The following ERC2 variants were observed in gnomAD, a reference collection of about 807,000 sequenced individuals.
The protein encoded by ERC2 is ERC protein 2.
A neutral mutation model predicts 114.8 loss-of-function variants in ERC2; 42 were observed. The ratio of observed to expected loss-of-function variants is 0.37; its 90% CI spans 0.29 to 0.47. The LOEUF is 0.47. Ranked by LOEUF, ERC2 falls within the 20% of genes least tolerant of loss-of-function variation. The pLI, the probability that ERC2 is intolerant of heterozygous loss-of-function variation, is 0.99. For synonymous variants in ERC2, 454 were observed against 425.5 expected, an observed-to-expected ratio of 1.07 and a Z score of -0.82; for missense variants, 939 against 1,150.7, an observed-to-expected ratio of 0.82 and a Z score of 2.66.
intron 14 of ERC2, among the ~76,000 whole-genome samples, chr3:55,828,586 T>A (rs2060433227): frequency 6.6e-6 from 1 of 151,660 alleles, no homozygotes; most frequent in Admixed American, 6.6e-5. Context: ...GTGAAGTGAA[T>A]CCTGGAGGGA....
At chr3:56,360,804 A>T (rs971810402) in intron 2 of ERC2, among the ~76,000 whole-genome samples, 1 of 152,206 alleles carries the variant, frequency 6.6e-6, no homozygotes, top group Non-Finnish European at 1.5e-5. Context: ...GCTACTCAGG[A>T]GGCTGAGATA....
At chr3:55,583,523 CCCTTCCTTCCTTCCTTCCTTTCTT>C (rs1333597831) in intron 17 of ERC2, among the ~76,000 whole-genome samples, 15 of 36,908 alleles carry the variant, frequency 4.1e-4, no homozygotes, top group East Asian at 2.6e-3. Context: ...CTCCCTCCCT[CCCTTCCTTCCTTCCTTCCTTTCTT>C]CCTTCCTTCC....
chr3:55,700,707 A>G (rs956344436), intron 15 of ERC2, among the ~76,000 whole-genome samples: 1 of 152,072 alleles, frequency 6.6e-6, no homozygotes, highest in Non-Finnish European at 1.5e-5. Flanking sequence ...TATTTAATCT[A>G]GGAGCCTTTT....
intron 14 of ERC2, among the ~76,000 whole-genome samples, chr3:55,818,557 G>T (rs1445293595): frequency 6.6e-6 from 1 of 152,212 alleles, no homozygotes; most frequent in African/African-American, 2.4e-5. Context: ...CTGCTCAGAT[G>T]AATCTAGGTG....
intron 2 of ERC2, among the ~76,000 whole-genome samples, chr3:56,382,438 C>G (rs115853441): frequency 6.6e-6 from 1 of 152,142 alleles, no homozygotes; most frequent in East Asian, 1.9e-4. Context: ...AGGTTTATGG[C>G]CTCCAATCAG....
At chr3:56,332,048 G>A (rs1380045531) in intron 2 of ERC2, among the ~76,000 whole-genome samples, 1 of 152,084 alleles carries the variant, frequency 6.6e-6, no homozygotes, top group Non-Finnish European at 1.5e-5. Context: ...AGCAGAGCAG[G>A]GAGAGTGGGG....
rs1485708883 is a variant in ERC2 at position 55,706,838 on chromosome 3, T to G, written c.2713-7326A>C. Among the ~76,000 whole-genome samples the G allele has an allele frequency of 2.0e-5, 3 of 152,206 alleles. No homozygotes were observed. The South Asian group carries it at 6.2e-4, about 31-fold the overall frequency. On this transcript the variant is annotated intron_variant, in intron 15 of 17. Transcript: ENST00000288221. ...TCCTAGGCTCTTTTCCATGGATACT[T>G]CTTGAGAGTTCTCATCACTTAGCGT...
chr3:55,523,567 C>A (rs892015987), intron 17 of ERC2, among the ~76,000 whole-genome samples: 1 of 152,168 alleles, frequency 6.6e-6, no homozygotes, highest in Non-Finnish European at 1.5e-5. Flanking sequence ...GACAATTTCT[C>A]CCCCCTCTCC....
At chr3:55,867,922 T>A (rs1277883450) in intron 14 of ERC2, among the ~76,000 whole-genome samples, 1 of 152,202 alleles carries the variant, frequency 6.6e-6, no homozygotes, top group African/African-American at 2.4e-5. Flanking sequence ...ATTATTCTTA[T>A]CTTGGATAAT....
At chr3:56,400,421 T>G (rs1489973167) in intron 2 of ERC2, among the ~76,000 whole-genome samples, 2 of 152,160 alleles carry the variant, frequency 1.3e-5, no homozygotes, top group Non-Finnish European at 2.9e-5. Flanking sequence ...TAAACTAAAA[T>G]CTGAGCAGTA....
At chr3:56,066,530 T>C (rs926228789) in intron 7 of ERC2, among the ~76,000 whole-genome samples, 5 of 152,204 alleles carry the variant, frequency 3.3e-5, no homozygotes, top group East Asian at 1.9e-4. Flanking sequence ...TGATAGTTTC[T>C]TTTTCTGTGC....
intron 3 of ERC2, among the ~76,000 whole-genome samples, chr3:56,264,556 C>T (rs562278372): frequency 6.6e-6 from 1 of 150,394 alleles, no homozygotes; most frequent in Admixed American, 6.6e-5. Context: ...AAGATTACAC[C>T]ACTGCACTCC....
chr3:56,461,355 G>C (rs921450621), intron 1 of ERC2, among the ~76,000 whole-genome samples: 7 of 152,194 alleles, frequency 4.6e-5, no homozygotes, highest in African/African-American at 1.7e-4. Flanking sequence ...TTACTTCTTG[G>C]TCTATATGTC....
At chr3:56,442,510 C>A (rs1418621840) in intron 1 of ERC2, among the ~76,000 whole-genome samples, 1 of 152,122 alleles carries the variant, frequency 6.6e-6, no homozygotes, top group South Asian at 2.1e-4. Context: ...CGTGAACCAC[C>A]GTGCCCAGCC....
At chr3:55,945,756 T>C (rs1418351859) in intron 13 of ERC2, among the ~76,000 whole-genome samples, 1 of 152,170 alleles carries the variant, frequency 6.6e-6, no homozygotes, top group Non-Finnish European at 1.5e-5. Flanking sequence ...GAACATTCAT[T>C]TGCTTTTTAA....
intron 16 of ERC2, among the ~76,000 whole-genome samples, chr3:55,697,994 G>C (rs1477238097): frequency 6.6e-6 from 1 of 151,898 alleles, no homozygotes; most frequent in Non-Finnish European, 1.5e-5. Context: ...TGGTGGTGGT[G>C]GTGATGGTGA....
At chr3:56,098,256 C>T (rs554497451) in intron 6 of ERC2, among the ~76,000 whole-genome samples, 67 of 152,174 alleles carry the variant, frequency 4.4e-4, no homozygotes, top group Non-Finnish European at 8.5e-4. Flanking sequence ...TGCCCGACTC[C>T]TTTATAAACC....
intron 15 of ERC2, among the ~76,000 whole-genome samples, chr3:55,731,613 T>A (rs915452054): frequency 9.2e-5 from 14 of 152,202 alleles, no homozygotes; most frequent in African/African-American, 3.1e-4. Context: ...TAACTTTGGA[T>A]GTCATCTTTT....
chr3:55,602,995 C>T (rs145908357), intron 17 of ERC2, among the ~76,000 whole-genome samples: 78 of 152,182 alleles, frequency 5.1e-4, no homozygotes, highest in Admixed American at 1.2e-3. Flanking sequence ...AAGAGAAGAC[C>T]GAGCATCTCC....
Sources: allele counts gnomAD v4.1 joint callset (sites outside exome capture counted in the v4.1 genomes callset), GRCh38; gene constraint gnomAD v4.1.1; transcripts MANE v1.5; gene names NCBI Gene and HGNC (gene_info 2026-07-23, HGNC 2026-07-21).